Variants in JAM3 observed in about 807,000 individuals in gnomAD.
The protein encoded by JAM3 is junctional adhesion molecule C.
In JAM3, 31 loss-of-function variants were observed where a neutral mutation model predicts 39.4. The ratio of observed to expected loss-of-function variants is 0.79; its 90% CI spans 0.59 to 1.06. JAM3 has a LOEUF of 1.06. JAM3 is among the 50% of genes least tolerant of loss of function. The pLI, the probability that JAM3 is intolerant of heterozygous loss-of-function variation, is 0.00. For synonymous variants in JAM3, 182 were observed against 148.7 expected, an observed-to-expected ratio of 1.22 and a Z score of -1.63; for missense variants, 455 against 391.4, an observed-to-expected ratio of 1.16 and a Z score of -1.37.
intron 1 of JAM3, among the ~76,000 whole-genome samples, chr11:134,084,888 A>G (rs1351870669): frequency 6.6e-6 from 1 of 152,170 alleles, no homozygotes; most frequent in African/African-American, 2.4e-5. Flanking sequence ...GTTGGGTACT[A>G]CTAAATTGCC....
chr11:134,081,456 C>T lies in JAM3; in HGVS notation c.76+12297C>T, dbSNP rs1218476192. 2.0e-5 allele frequency among the ~76,000 whole-genome samples: 3 copies of T among 152,204 alleles called. No homozygotes were observed. The East Asian group carries it at 5.8e-4, about 29-fold the overall frequency. The stretch of plus-strand genomic sequence containing the variant: ...TAGACTTGGTGCCCTGCCTTCCAGC[C>T]ACTCTAGCCATGGCTGAAAGGGGCC... On this transcript the variant is annotated intron_variant, in intron 1 of 8. Coordinates refer to ENST00000299106, the MANE Select transcript of JAM3 (RefSeq NM_032801.5).
chr11:134,115,736 TAAAAA>T (rs533375525), intron 1 of JAM3, among the ~76,000 whole-genome samples: 1 of 147,006 alleles, frequency 6.8e-6, no homozygotes, highest in Non-Finnish European at 1.5e-5. Context: ...TCCTGTCTCT[TAAAAA>T]AAAAAATTAG....
At chr11:134,129,355 A>G (rs956478105) in intron 1 of JAM3, among the ~76,000 whole-genome samples, 3 of 152,142 alleles carry the variant, frequency 2.0e-5, no homozygotes, top group African/African-American at 7.2e-5. Flanking sequence ...TGACCTTGTT[A>G]TCTGCCCACC....
At position 134,114,848 on chromosome 11, in the gene JAM3, G is replaced by C. The variant is rs149620761; in HGVS notation, c.77-25003G>C. On this transcript the variant is annotated intron_variant, in intron 1 of 8. Transcript: ENST00000299106. ...TCTTTGGGTTAGGTGTTCTATAAATGTGAAGTAGGTCAAGTTAGTCGATAG... is the reference window on the plus strand; with the variant it reads ...TCTTTGGGTTAGGTGTTCTATAAATCTGAAGTAGGTCAAGTTAGTCGATAG... 4.9e-3 allele frequency among the ~76,000 whole-genome samples: 743 copies of C among 152,294 alleles called. 6 individuals carry two copies. The highest frequency in any genetic ancestry group is 0.017 in the African/African-American group (711 of 41,574).
At chr11:134,134,960 C>T (rs972389559) in intron 1 of JAM3, among the ~76,000 whole-genome samples, 1 of 151,910 alleles carries the variant, frequency 6.6e-6, no homozygotes, top group African/African-American at 2.4e-5. Flanking sequence ...GTTGTCTTTT[C>T]ACTTTCTTGG....
intron 1 of JAM3, among the ~76,000 whole-genome samples, chr11:134,073,740 A>G (rs552331111): frequency 6.6e-5 from 10 of 152,356 alleles, no homozygotes; most frequent in African/African-American, 9.6e-5. Flanking sequence ...CTCAATGATA[A>G]TAAACATTTT....
chr11:134,105,880 T>A (rs1418386681), intron 1 of JAM3, among the ~76,000 whole-genome samples: 1 of 152,208 alleles, frequency 6.6e-6, no homozygotes, highest in Non-Finnish European at 1.5e-5. Context: ...CATTCCATGC[T>A]CATGGGTAGG....
intron 1 of JAM3, among the ~76,000 whole-genome samples, chr11:134,118,599 G>A (rs1406302219): frequency 6.6e-6 from 1 of 152,016 alleles, no homozygotes; most frequent in Non-Finnish European, 1.5e-5. Flanking sequence ...CCCCAACCTT[G>A]TCTGCTCTGC....
At chr11:134,085,415 T>C (rs1174811365) in intron 1 of JAM3, among the ~76,000 whole-genome samples, 2 of 152,230 alleles carry the variant, frequency 1.3e-5, no homozygotes, top group East Asian at 1.9e-4. Flanking sequence ...ATCCTAAATA[T>C]GTAGCAAAGA....
intron 1 of JAM3, among the ~76,000 whole-genome samples, chr11:134,126,858 G>C (rs1942657562): frequency 6.6e-6 from 1 of 152,180 alleles, no homozygotes; most frequent in Non-Finnish European, 1.5e-5. Flanking sequence ...TTAATACCTA[G>C]TTCTGGCCTT....
At chr11:134,095,326 T>A (rs1941959383) in intron 1 of JAM3, among the ~76,000 whole-genome samples, 1 of 152,170 alleles carries the variant, frequency 6.6e-6, no homozygotes, top group Admixed American at 6.5e-5. Flanking sequence ...ACATGAAGTC[T>A]TTTGACTAAG....
intron 1 of JAM3, among the ~76,000 whole-genome samples, chr11:134,117,014 C>A (rs560951368): frequency 6.6e-6 from 1 of 151,770 alleles, no homozygotes; most frequent in Non-Finnish European, 1.5e-5. Context: ...CTACTCAACA[C>A]CATATTGGAG....
At chr11:134,108,594 CAA>C (rs1365777791) in intron 1 of JAM3, among the ~76,000 whole-genome samples, 1 of 151,970 alleles carries the variant, frequency 6.6e-6, no homozygotes, top group Non-Finnish European at 1.5e-5. Context: ...AGGAAGAAAA[CAA>C]AAACAAAAAC....
chr11:134,100,418 T>C (rs1034569319), intron 1 of JAM3, among the ~76,000 whole-genome samples: 3 of 152,196 alleles, frequency 2.0e-5, no homozygotes, highest in Admixed American at 6.5e-5. Context: ...ATGGCCCAGA[T>C]GGTGAGGAAA....
chr11:134,149,509 G>A lies in JAM3; in HGVS notation c.*328G>A. 1 of 515,976 alleles carries A rather than the reference G, an allele frequency of 1.9e-6. No individual in the cohort carries two copies. The highest frequency in any genetic ancestry group is 3.7e-6 in the Non-Finnish European group (1 of 271,028). 32.0% of individuals were successfully genotyped at this position (515,976 alleles called of 1,614,324 possible). Reference sequence around the variant, plus strand: ...AGAGTTTGCTCACGTAAACGCCCGTGCTGGGCCCTGTGAAGCCAGCATGTT... The same window carrying A: ...AGAGTTTGCTCACGTAAACGCCCGTACTGGGCCCTGTGAAGCCAGCATGTT... On this transcript the variant is annotated 3_prime_UTR_variant, in exon 9 of 9. Coordinates refer to ENST00000299106, the MANE Select transcript of JAM3 (RefSeq NM_032801.5).
intron 1 of JAM3, among the ~76,000 whole-genome samples, chr11:134,114,425 A>G (rs1360708064): frequency 6.6e-6 from 1 of 152,148 alleles, no homozygotes; most frequent in Non-Finnish European, 1.5e-5. Context: ...TCCCAGCACC[A>G]TTTATTAAAT....
At chr11:134,080,756 G>A (rs948886171) in intron 1 of JAM3, among the ~76,000 whole-genome samples, 1 of 152,138 alleles carries the variant, frequency 6.6e-6, no homozygotes, top group South Asian at 2.1e-4. Flanking sequence ...AGAGTGGGGC[G>A]CTACTGAAAA....
intron 1 of JAM3, among the ~76,000 whole-genome samples, chr11:134,093,487 C>T (rs1157615944): frequency 7.4e-6 from 1 of 135,052 alleles, no homozygotes; most frequent in Non-Finnish European, 1.6e-5. Flanking sequence ...TCATCATGTT[C>T]CATCTTACAT....
chr11:134,146,601 T>G (rs1028359295), intron 6 of JAM3, among the ~76,000 whole-genome samples: 5 of 152,080 alleles, frequency 3.3e-5, no homozygotes, highest in African/African-American at 1.2e-4. Context: ...AGGGTCTTGC[T>G]TTGTTGCCCA....
Sources: allele counts gnomAD v4.1 joint callset (sites outside exome capture counted in the v4.1 genomes callset), GRCh38; gene constraint gnomAD v4.1.1; transcripts MANE v1.5; gene names NCBI Gene and HGNC (gene_info 2026-07-23, HGNC 2026-07-21).